PLEKHA6: variants seen among roughly 807,000 people sequenced by gnomAD.
PLEKHA6 encodes the protein pleckstrin homology domain-containing family A member 6.
A neutral mutation model predicts 116.7 loss-of-function variants in PLEKHA6; 60 were observed. The observed-to-expected ratio is 0.51, with a 90% CI of 0.42 to 0.64. PLEKHA6 has a LOEUF of 0.64. Among genes scored for constraint, PLEKHA6 ranks in the 30% least tolerant of loss-of-function variants. The pLI is 0.00. For missense variants in PLEKHA6, 1,338 were observed against 1,422.7 expected (o/e 0.94, Z 0.96); for synonymous variants, 489 against 556.1 (o/e 0.88, Z 1.70).
Position 204,244,918 on chromosome 1 carries a change from G to A in PLEKHA6, c.2118C>T (p.Pro706=). The A allele has an allele frequency of 2.6e-6, 4 of 1,529,034 alleles. No individual in the cohort carries two copies. The highest frequency in any genetic ancestry group is 3.5e-6 in the Non-Finnish European group (4 of 1,135,148). 94.7% of individuals were successfully genotyped at this position (1,529,034 alleles called of 1,614,324 possible). The change falls in exon 15 of 23, where the codon CCC becomes CCT. Residue 706 remains proline (P), a synonymous_variant. Transcript: ENST00000272203. ...SSASLTSPLS[P]FSLVSGSQGS... is the part of the protein sequence containing the mutation. Reference sequence around the variant, plus strand: ...CCTGAGAGCCCGACACCAGTGAAAAGGGGCTCAGGGGGCTGGTGAGGCTGG... The same window carrying A: ...CCTGAGAGCCCGACACCAGTGAAAAAGGGCTCAGGGGGCTGGTGAGGCTGG...
At chr1:204,360,149 A>C (rs1196921364), upstream of PLEKHA6, among the ~76,000 whole-genome samples, 6 of 152,236 alleles carry the variant, frequency 3.9e-5, no homozygotes, top group Admixed American at 3.3e-4. Flanking sequence ...CACCAGGAGA[A>C]GGCTGCCCCC....
rs147894694 is a variant in PLEKHA6, at chr1:204,376,878, TG to T, written c.83+704del. Among the ~76,000 whole-genome samples the T allele has an allele frequency of 5.2e-3, 791 of 152,300 alleles. 5 individuals carry two copies. The highest frequency in any genetic ancestry group is 0.018 in the African/African-American group (750 of 41,550). ...GGAAGATGTCTATCCTGGCAAAAGA[TG>T]ACTATAGTAGAAGCGAGCCAAAAGA... On this transcript the variant is annotated intron_variant, in intron 1 of 4. Coordinates refer to the PLEKHA6 transcript ENST00000564627.
chr1:204,341,075 C>G (rs571532850), intron 1 of PLEKHA6, among the ~76,000 whole-genome samples: 1 of 152,314 alleles, frequency 6.6e-6, no homozygotes, highest in East Asian at 1.9e-4. Flanking sequence ...TACCAGCCAG[C>G]TAGGCCCCCT....
rs372036704 is a variant in PLEKHA6 at position 204,329,502 on chromosome 1, T to A, written c.-95+30192A>T. ...AGGCAATTAGCCTGTAATGGATTAA[T>A]GGAGCTAGGCAAAGATCATCTAGGC... On this transcript the variant is annotated intron_variant, in intron 1 of 22. Transcript: ENST00000272203. 1.1e-4 allele frequency among the ~76,000 whole-genome samples: 16 copies of A among 152,306 alleles called. No homozygotes were observed. The East Asian group carries it at 1.9e-3, about 18-fold the overall frequency.
intron 1 of PLEKHA6, chr1:204,276,918 C>G: frequency 6.5e-6 from 1 of 152,764 alleles, no homozygotes; most frequent in East Asian, 1.9e-4. Context: ...CTGAAGCCCC[C>G]GGATCCAAGC....
intron 17 of PLEKHA6, among the ~76,000 whole-genome samples, chr1:204,241,033 G>T (rs1276435558): frequency 6.6e-6 from 1 of 152,128 alleles, no homozygotes; most frequent in Non-Finnish European, 1.5e-5. Context: ...ACTCAGACTG[G>T]CTCTTCTTGC....
intron 9 of PLEKHA6, among the ~76,000 whole-genome samples, chr1:204,253,906 G>A (rs1013668589): frequency 1.3e-5 from 2 of 152,100 alleles, no homozygotes; most frequent in Non-Finnish European, 2.9e-5. Flanking sequence ...ATCCATGAGG[G>A]AGTCTTCTGG....
intron 21 of PLEKHA6, among the ~76,000 whole-genome samples, chr1:204,226,851 T>A (rs188810563): frequency 6.6e-6 from 1 of 152,346 alleles, no homozygotes. Context: ...CTATTTCTAC[T>A]TCATCTATTG....
At chr1:204,376,960 T>G (rs1673881080) in intron 1 of PLEKHA6, among the ~76,000 whole-genome samples, 1 of 152,198 alleles carries the variant, frequency 6.6e-6, no homozygotes, top group African/African-American at 2.4e-5. Flanking sequence ...CTTTGGCTTA[T>G]GAAATTAATA....
At chr1:204,313,761 C>T (rs933529487) in intron 1 of PLEKHA6, 140 of 934,376 alleles carry the variant, frequency 1.5e-4, no homozygotes, top group Non-Finnish European at 1.4e-4. Context: ...TAGCAGAGAG[C>T]ACCATGTAGG....
rs137915907 is a variant in PLEKHA6, at chr1:204,304,527, T to C, written c.-94-29718A>G. On this transcript the variant is annotated intron_variant, in intron 1 of 22. Transcript: ENST00000272203. ...AAATAAGGATATTTTAAAAGCCTGA[T>C]TACCATCTACTCTCACCATCAGCTC... Among the ~76,000 whole-genome samples the C allele has an allele frequency of 2.6e-3, 398 of 152,354 alleles. 3 individuals are homozygous for C. The highest frequency in any genetic ancestry group is 9.1e-3 in the African/African-American group (378 of 41,582).
chr1:204,246,385 A>T (rs1198556712), intron 13 of PLEKHA6, among the ~76,000 whole-genome samples: 8 of 152,170 alleles, frequency 5.3e-5, no homozygotes, highest in Non-Finnish European at 1.5e-5. Context: ...ATATGGGTCT[A>T]TTTGGACCCG....
At chr1:204,245,082 T>C in intron 14 of PLEKHA6, 79 bp from the exon 15 acceptor site, 2 of 1,015,782 alleles carry the variant, frequency 2.0e-6, no homozygotes, top group Non-Finnish European at 2.7e-6. Flanking sequence ...TGAGTGGAGG[T>C]GGCAGGGAGA....
In PLEKHA6 at chr1:204,228,688, G is replaced by A; in HGVS notation, c.2885+40C>T. On this transcript the variant is annotated intron_variant, in intron 20 of 22. Coordinates refer to ENST00000272203, the MANE Select transcript of PLEKHA6 (RefSeq NM_014935.5). This position sits in a 1 kb window ranked among gnomAD's most constrained non-coding sequence, Gnocchi z 4.0. ...AGTGGCCCAGGTGTCCTAGGTGCCAGGGTGAGCAGAGGAAGTAGAGGCTCA... is the reference window on the plus strand; with the variant it reads ...AGTGGCCCAGGTGTCCTAGGTGCCAAGGTGAGCAGAGGAAGTAGAGGCTCA... 1 of 1,606,950 alleles carries A rather than the reference G, an allele frequency of 6.2e-7. No individual in the cohort carries two copies. Among genetic ancestry groups the A allele is most frequent in the Non-Finnish European group, 8.5e-7 (1 of 1,173,684 alleles).
intron 1 of PLEKHA6, among the ~76,000 whole-genome samples, chr1:204,375,304 A>G (rs1673849309): frequency 6.6e-6 from 1 of 151,862 alleles, no homozygotes; most frequent in African/African-American, 2.4e-5. Context: ...CGGGAACCTC[A>G]ACTGCAGTGT....
At chr1:204,350,484 G>T (rs1001566156) in intron 1 of PLEKHA6, among the ~76,000 whole-genome samples, 1 of 152,050 alleles carries the variant, frequency 6.6e-6, no homozygotes, top group Non-Finnish European at 1.5e-5. Context: ...CATCCCCTCC[G>T]CAGGGCTGGG....
At chr1:204,224,091 G>T (rs888459447) in intron 21 of PLEKHA6, among the ~76,000 whole-genome samples, 2 of 152,032 alleles carry the variant, frequency 1.3e-5, no homozygotes, top group Admixed American at 6.5e-5. Context: ...AACTTAAAGC[G>T]AGTTCTGTCA....
chr1:204,274,637 C>A, intron 2 of PLEKHA6, 92 bp downstream of exon 2: 1 of 985,810 alleles, frequency 1.0e-6, no homozygotes, highest in African/African-American at 1.7e-5. Context: ...CTTCCCCTCC[C>A]TGTTGCCTTC....
intron 1 of PLEKHA6, among the ~76,000 whole-genome samples, chr1:204,349,517 G>C (rs1193083611): frequency 6.8e-6 from 1 of 147,848 alleles, no homozygotes; most frequent in Non-Finnish European, 1.5e-5. Flanking sequence ...CTCCAGCCTG[G>C]GCAACAGAGC....
Sources: gnomAD v4.1 joint callset for allele counts (sites outside exome capture counted in the v4.1 genomes callset) on GRCh38, gnomAD v4.1.1 for gene constraint, Gnocchi (gnomAD v3.1) non-coding constraint, MANE v1.5 for transcripts, NCBI Gene and HGNC (gene_info 2026-07-23, HGNC 2026-07-21) for gene names.